The following NCAM1 variants were observed in gnomAD, a reference collection of about 807,000 sequenced individuals.
The protein encoded by NCAM1 is neural cell adhesion molecule 1.
A neutral mutation model predicts 109.8 loss-of-function variants in NCAM1; 14 were observed. The observed-to-expected ratio is 0.13, with a 90% CI of 0.08 to 0.20. NCAM1 has a LOEUF of 0.20. NCAM1 is among the 10% of genes least tolerant of loss of function. The pLI is 1.00. For synonymous variants in NCAM1, 418 were observed against 442.9 expected, an observed-to-expected ratio of 0.94 and a Z score of 0.70; for missense variants, 774 against 1,109.9, an observed-to-expected ratio of 0.70 and a Z score of 4.30.
intron 1 of NCAM1, among the ~76,000 whole-genome samples, chr11:113,110,785 A>G (rs939266219): frequency 3.9e-5 from 6 of 152,198 alleles, no homozygotes; most frequent in Non-Finnish European, 8.8e-5. Context: ...GCCTGGTTCC[A>G]TGCCCCTGAC....
chr11:113,198,410 C>T (rs896275261), intron 1 of NCAM1, among the ~76,000 whole-genome samples: 13 of 149,616 alleles, frequency 8.7e-5, no homozygotes, highest in Non-Finnish European at 1.3e-4. Context: ...CTTGCTCTGT[C>T]GCCCAGGCTG....
intron 3 of NCAM1, 29 bp downstream of exon 3, chr11:113,204,533 T>C (rs1236720582): frequency 6.2e-7 from 1 of 1,605,276 alleles, no homozygotes; most frequent in Non-Finnish European, 8.5e-7. Context: ...TTCTGCATTC[T>C]CTGGCCTCTC....
chr11:113,057,754 A>G (rs1448162999), intron 1 of NCAM1, among the ~76,000 whole-genome samples: 1 of 152,216 alleles, frequency 6.6e-6, no homozygotes, highest in Non-Finnish European at 1.5e-5. Flanking sequence ...AATAGAAAAT[A>G]CAAAATAACA....
At chr11:113,157,701 G>T (rs1034976407) in intron 1 of NCAM1, among the ~76,000 whole-genome samples, 5 of 151,948 alleles carry the variant, frequency 3.3e-5, no homozygotes, top group Admixed American at 6.6e-5. Context: ...TAAAATAGCA[G>T]TAATACATAT....
chr11:113,085,053 T>C (rs546314911), intron 1 of NCAM1, among the ~76,000 whole-genome samples: 83 of 152,330 alleles, frequency 5.4e-4, no homozygotes, highest in African/African-American at 1.6e-3. Flanking sequence ...GTAACTGTAT[T>C]GAGAGTCCTG....
At position 113,231,810 on chromosome 11, in the gene NCAM1, G is replaced by C. The variant is rs782295332; in HGVS notation, c.1240+15G>C. 1 of 1,613,836 alleles carries C rather than the reference G, an allele frequency of 6.2e-7. No individual in the cohort carries two copies. Among genetic ancestry groups the C allele is most frequent in the South Asian group, 1.1e-5 (1 of 91,056 alleles). On this transcript the variant is annotated intron_variant, in intron 10 of 19. Coordinates refer to ENST00000316851, the MANE Select transcript of NCAM1 (RefSeq NM_181351.5). ...TGAAGTGCAATGTAAGGAATAAATG[G>C]GGAAGGACCTGGGGGAGGGAGGGGC... is the stretch of plus-strand genomic sequence containing the variant.
At chr11:113,163,837 T>C (rs1439440379) in intron 1 of NCAM1, among the ~76,000 whole-genome samples, 5 of 152,038 alleles carry the variant, frequency 3.3e-5, no homozygotes, top group African/African-American at 1.2e-4. Flanking sequence ...GCTGTGCAAA[T>C]GAGAGCTGGT....
intron 1 of NCAM1, among the ~76,000 whole-genome samples, chr11:113,075,055 G>GTGT (rs782092600): frequency 2.2e-4 from 33 of 152,100 alleles, no homozygotes; most frequent in Admixed American, 1.4e-3. Context: ...GCCCCGCTCT[G>GTGT]TGTTGTTGTT....
chr11:113,170,186 C>T (rs1263548841), intron 1 of NCAM1, among the ~76,000 whole-genome samples: 4 of 152,248 alleles, frequency 2.6e-5, no homozygotes, highest in Middle Eastern at 3.4e-3. Context: ...GAAGAGCAAG[C>T]AGAGATCAGA....
intron 1 of NCAM1, among the ~76,000 whole-genome samples, chr11:113,175,953 T>C (rs1301178163): frequency 6.6e-6 from 1 of 152,188 alleles, no homozygotes; most frequent in African/African-American, 2.4e-5. Context: ...CTGATTTGAT[T>C]ATGTGAATGT....
At chr11:113,223,486 G>C (rs1191960421) in intron 9 of NCAM1, among the ~76,000 whole-genome samples, 1 of 152,072 alleles carries the variant, frequency 6.6e-6, no homozygotes, top group Non-Finnish European at 1.5e-5. Flanking sequence ...TCACGCAACT[G>C]TTTTCTAAGC....
At chr11:113,246,433 A>AC in intron 15 of NCAM1, 63 bp downstream of exon 15, 1 of 712,686 alleles carries the variant, frequency 1.4e-6, no homozygotes, top group Non-Finnish European at 2.6e-6. Flanking sequence ...CATAGGGCAC[A>AC]CTCATTTCTT....
chr11:113,052,959 G>A (rs1953562783), intron 1 of NCAM1, among the ~76,000 whole-genome samples: 1 of 152,144 alleles, frequency 6.6e-6, no homozygotes, highest in Admixed American at 6.5e-5. Context: ...TGCTGAAGGT[G>A]AACTTAGCTT....
At chr11:113,238,986 A>G (rs1206089933) in intron 14 of NCAM1, among the ~76,000 whole-genome samples, 1 of 152,220 alleles carries the variant, frequency 6.6e-6, no homozygotes, top group Non-Finnish European at 1.5e-5. Flanking sequence ...AGATGTCTCA[A>G]TAATGGGGTT....
intron 1 of NCAM1, among the ~76,000 whole-genome samples, chr11:113,061,476 C>A (rs1189785401): frequency 2.0e-5 from 3 of 152,148 alleles, no homozygotes; most frequent in Admixed American, 1.3e-4. Flanking sequence ...AAAAACGAAG[C>A]TCTTAAATAG....
chr11:113,247,178 A>G (rs951151940), intron 15 of NCAM1, among the ~76,000 whole-genome samples: 3 of 152,238 alleles, frequency 2.0e-5, no homozygotes, highest in Non-Finnish European at 2.9e-5. Flanking sequence ...CTCGCTTACC[A>G]GAAGGAGAGA....
chr11:113,218,029 T>A (rs544015276), intron 8 of NCAM1, among the ~76,000 whole-genome samples: 1 of 152,320 alleles, frequency 6.6e-6, no homozygotes, highest in East Asian at 1.9e-4. Context: ...ACCTTAGAAG[T>A]CTATGTGTCC....
chr11:113,070,307 G>C (rs144189489), intron 1 of NCAM1, among the ~76,000 whole-genome samples: 42 of 152,248 alleles, frequency 2.8e-4, no homozygotes, highest in Admixed American at 5.2e-4. Flanking sequence ...AGAGTGATGT[G>C]ATAGCAAGGT....
At chr11:112,998,960 T>C (rs575539085) in intron 1 of NCAM1, among the ~76,000 whole-genome samples, 55 of 152,284 alleles carry the variant, frequency 3.6e-4, no homozygotes, top group African/African-American at 1.3e-3. Context: ...AGTTTCATTC[T>C]TGATGGACTG....
Sources: allele counts gnomAD v4.1 joint callset (sites outside exome capture counted in the v4.1 genomes callset), GRCh38; gene constraint gnomAD v4.1.1; transcripts MANE v1.5; gene names NCBI Gene and HGNC (gene_info 2026-07-23, HGNC 2026-07-21).